Variants in CPT1C observed in about 807,000 individuals in gnomAD.
The protein encoded by CPT1C is palmitoyl thioesterase CPT1C.
CPT1C carries 61 observed loss-of-function variants against 97.3 expected under a neutral mutation model. That is an observed-to-expected ratio of 0.63 (90% confidence interval 0.51 to 0.78). The LOEUF (loss-of-function observed/expected upper bound fraction) is 0.78. Ranked by LOEUF, CPT1C falls within the 30% of genes least tolerant of loss-of-function variation. CPT1C has a pLI of 0.00. For missense variants in CPT1C, 975 were observed against 1,065.5 expected, an observed-to-expected ratio of 0.92 and a Z score of 1.18; for synonymous variants, 469 against 447.2, an observed-to-expected ratio of 1.05 and a Z score of -0.61.
At chr19:49,700,950 G>C in intron 5 of CPT1C, 95 bp downstream of exon 5, 1 of 1,350,864 alleles carries the variant, frequency 7.4e-7, no homozygotes, top group Non-Finnish European at 1.0e-6. Flanking sequence ...CTGGGTCTCT[G>C]TCCCTCTCTC....
chr19:49,695,661 T>G (rs1295123842), intron 3 of CPT1C, among the ~76,000 whole-genome samples: 2 of 146,010 alleles, frequency 1.4e-5, no homozygotes, highest in Non-Finnish European at 3.0e-5. Flanking sequence ...CTCGACTTAC[T>G]GCAACCTCTG....
At chr19:49,698,974 G>T (rs1422818180) in intron 4 of CPT1C, among the ~76,000 whole-genome samples, 3 of 151,902 alleles carry the variant, frequency 2.0e-5, no homozygotes, top group Non-Finnish European at 4.4e-5. Context: ...GTGGTGGCAG[G>T]TGCTTGTAAT....
chr19:49,706,400 CG>C lies in CPT1C; in HGVS notation c.1334del (p.Gly445AlafsTer12). 4.0e-6 allele frequency: 6 copies of C among 1,486,298 alleles called. No homozygotes were observed. The highest frequency in any genetic ancestry group is 2.8e-5 in the Admixed American group (1 of 36,160). The allele number at this position is 1,486,298 out of a possible 1,614,324, so 92.1% of individuals were successfully genotyped here. A position where few individuals can be genotyped will look rare whatever the true frequency, so the allele number is the denominator to read the frequency against. ...CTACGCCCATGCTCTGCTGGCCGGC[CG>C]GGGCCATGATCGGTGAGTGAGTCTT... ...DAYAHALLAG[R>X]GHDRWFDKSF... On this transcript the variant is annotated frameshift_variant, in exon 12 of 20. Transcript: ENST00000598293. LOFTEE classifies it high-confidence loss of function. This position sits in a 1 kb window ranked among gnomAD's most constrained non-coding sequence, Gnocchi z 4.8.
At chr19:49,695,897 G>A (rs113717727) in intron 3 of CPT1C, among the ~76,000 whole-genome samples, 17,811 of 150,192 alleles carry the variant, frequency 0.12, 1,153 homozygotes, top group Middle Eastern at 0.2. Context: ...TTGAGACAGC[G>A]TCTCACTCTG....
rs1169456661 is a variant in CPT1C, at chr19:49,711,799, G to A, written c.1867-10G>A. 1 of 1,604,192 alleles carries A rather than the reference G, an allele frequency of 6.2e-7. No individual in the cohort carries two copies. The highest frequency in any genetic ancestry group is 1.3e-5 in the African/African-American group (1 of 74,924). ...CTTTCCATGACCTGTGACCTCCCTG[G>A]GGACTGCAGGACCCACAGTGCCTCG... On this transcript the variant is annotated splice_polypyrimidine_tract_variant and intron_variant, in intron 16 of 19. Coordinates refer to ENST00000598293, the MANE Select transcript of CPT1C (RefSeq NM_001199753.2).
intron 4 of CPT1C, 83 bp from the exon 5 acceptor site, chr19:49,700,601 G>A (rs2082955352): frequency 6.8e-7 from 1 of 1,477,006 alleles, no homozygotes; most frequent in Admixed American, 1.8e-5. Flanking sequence ...CAAAAGATCA[G>A]CGCAGGGGCT....
intron 16 of CPT1C, chr19:49,711,595 A>G: frequency 1.7e-6 from 1 of 582,758 alleles, no homozygotes; most frequent in Non-Finnish European, 3.0e-6. Flanking sequence ...CTGGGGCCAG[A>G]CACACCTAGG....
At chr19:49,692,505 C>G (rs562890174) in intron 3 of CPT1C, 112 bp downstream of exon 3, 16 of 1,352,450 alleles carry the variant, frequency 1.2e-5, no homozygotes, top group Non-Finnish European at 1.5e-5. Flanking sequence ...GACTATCACC[C>G]CTTTTTCTTA....
At chr19:49,702,628 A>T (rs572155163) in intron 7 of CPT1C, among the ~76,000 whole-genome samples, 4 of 144,698 alleles carry the variant, frequency 2.8e-5, no homozygotes, top group Admixed American at 2.7e-4. Context: ...TCAAAAAAAA[A>T]AAAAGAAAAG....
intron 12 of CPT1C, 32 bp from the exon 13 acceptor site, chr19:49,707,486 T>C: frequency 6.5e-7 from 1 of 1,541,448 alleles, no homozygotes; most frequent in Non-Finnish European, 9.0e-7. Context: ...TGCCCCTCGC[T>C]CTTGGTGACC....
At chr19:49,712,447 C>T (rs1253049364) in intron 17 of CPT1C, 1 of 429,880 alleles carries the variant, frequency 2.3e-6, no homozygotes, top group Non-Finnish European at 4.2e-6. Context: ...AACGGGACAA[C>T]GGGAGCAGAC....
chr19:49,710,717 C>A lies in CPT1C; in HGVS notation c.1732-6C>A. On this transcript the variant is annotated splice_polypyrimidine_tract_variant and splice_region_variant and intron_variant, in intron 15 of 19. Transcript: ENST00000598293. ...ACAGACTCCTCTTCTCCTCCCTGTCCCCCAGGACAGGGGTCAATTCTGCCT... is the reference window on the plus strand; with the variant it reads ...ACAGACTCCTCTTCTCCTCCCTGTCACCCAGGACAGGGGTCAATTCTGCCT... The A allele has an allele frequency of 6.2e-7, 1 of 1,610,858 alleles. No homozygotes were observed. The highest frequency in any genetic ancestry group is 8.5e-7 in the Non-Finnish European group (1 of 1,177,560).
At chr19:49,708,699 C>CT in intron 13 of CPT1C, 24 bp from the exon 14 acceptor site, 2 of 1,570,542 alleles carry the variant, frequency 1.3e-6, no homozygotes, top group South Asian at 1.1e-5. Flanking sequence ...GGAAGGGACT[C>CT]TAACAGCCTC....
chr19:49,707,476 T>G (rs764776606), intron 12 of CPT1C, 42 bp from the exon 13 acceptor site: 2 of 1,434,632 alleles, frequency 1.4e-6, no homozygotes, highest in Non-Finnish European at 2.0e-6. Context: ...GAGGTCCCCG[T>G]GCCCCTCGCT....
chr19:49,695,939 G>A (rs1222080549), intron 3 of CPT1C, among the ~76,000 whole-genome samples: 1 of 151,608 alleles, frequency 6.6e-6, no homozygotes, highest in Non-Finnish European at 1.5e-5. Flanking sequence ...TGCAATAGCA[G>A]GATCTTGGCT....
intron 19 of CPT1C, 103 bp downstream of exon 19, chr19:49,713,167 C>A: frequency 1.9e-6 from 2 of 1,060,822 alleles, no homozygotes; most frequent in Non-Finnish European, 1.4e-6. Context: ...AGGCCCCAGC[C>A]CCTCCTCCCT....
rs117219741 is a variant in CPT1C at position 49,712,483 on chromosome 19, G to A, written c.2020-253G>A. The stretch of plus-strand genomic sequence containing the variant: ...AAAAGGGGAGAGGGTCAGTGGGGTG[G>A]GGATAAGAGGAAAGGGCGTGGTCAG... On this transcript the variant is annotated intron_variant, in intron 17 of 19. Transcript: ENST00000598293. 3,677 of 523,946 alleles carry A rather than the reference G, an allele frequency of 7.0e-3. 109 individuals are homozygous for A. Among genetic ancestry groups the A allele is most frequent in the Admixed American group, 0.056 (1,689 of 30,346 alleles). The allele number at this position is 523,946 out of a possible 1,614,324, so 32.5% of individuals were successfully genotyped here.
At chr19:49,699,168 G>C (rs149149850) in intron 4 of CPT1C, among the ~76,000 whole-genome samples, 1 of 152,064 alleles carries the variant, frequency 6.6e-6, no homozygotes, top group Non-Finnish European at 1.5e-5. Flanking sequence ...CCTCATGGGA[G>C]TGGCTGCATT....
chr19:49,712,567 A>G, intron 17 of CPT1C, 169 bp from the exon 18 acceptor site: 1 of 610,058 alleles, frequency 1.6e-6, no homozygotes, highest in Non-Finnish European at 3.0e-6. Flanking sequence ...TGGTGAGACG[A>G]GTGAGGGGCG....
Sources: gnomAD v4.1 joint callset for allele counts (sites outside exome capture counted in the v4.1 genomes callset) on GRCh38, gnomAD v4.1.1 for gene constraint, Gnocchi (gnomAD v3.1) non-coding constraint, MANE v1.5 for transcripts, NCBI Gene and HGNC (gene_info 2026-07-23, HGNC 2026-07-21) for gene names.